AGO2: variants seen among roughly 807,000 people sequenced by gnomAD.
The protein encoded by AGO2 is protein argonaute-2.
In AGO2, 5 loss-of-function variants were observed where a neutral mutation model predicts 102.3. The observed-to-expected ratio is 0.05, with a 90% CI of 0.03 to 0.10. The LOEUF (loss-of-function observed/expected upper bound fraction) is 0.10. Among genes scored for constraint, AGO2 ranks in the 10% least tolerant of loss-of-function variants. AGO2 has a pLI of 1.00. For missense variants in AGO2, 541 were observed against 1,183.7 expected (o/e 0.46, Z 7.97); for synonymous variants, 449 against 473.1 (o/e 0.95, Z 0.66).
chr8:140,564,816 C>T (rs1389527528), intron 3 of AGO2, among the ~76,000 whole-genome samples: 1 of 152,072 alleles, frequency 6.6e-6, no homozygotes, highest in Non-Finnish European at 1.5e-5. Context: ...ATATCATACA[C>T]TGTGGAATAA....
chr8:140,556,841 G>T (rs1426971355), intron 8 of AGO2, among the ~76,000 whole-genome samples: 1 of 152,164 alleles, frequency 6.6e-6, no homozygotes, highest in East Asian at 1.9e-4. Context: ...TGCGGGGCCT[G>T]CTGGACACGT....
At chr8:140,576,709 ACC>A (rs2073470268) in intron 2 of AGO2, among the ~76,000 whole-genome samples, 1 of 152,210 alleles carries the variant, frequency 6.6e-6, no homozygotes, top group African/African-American at 2.4e-5. Flanking sequence ...TCTATTTACC[ACC>A]CTGTCTAGCA....
intron 16 of AGO2, among the ~76,000 whole-genome samples, chr8:140,538,775 T>C (rs926061866): frequency 6.6e-6 from 1 of 152,218 alleles, no homozygotes; most frequent in Non-Finnish European, 1.5e-5. Context: ...ATCTTGTGCC[T>C]AGACCTAGCC....
chr8:140,522,110 C>G lies in AGO2; in HGVS notation c.*9934G>C, dbSNP rs994001182. 2.0e-5 allele frequency: 3 copies of G among 151,942 alleles called. No individual in the cohort carries two copies. Among genetic ancestry groups the G allele is most frequent in the Non-Finnish European group, 4.4e-5 (3 of 68,006 alleles). 9.4% of individuals were successfully genotyped at this position (151,942 alleles called of 1,614,324 possible). The stretch of plus-strand genomic sequence containing the variant: ...ATGACCAATTGGACTTTTCTCCCAC[C>G]TGTAATATAAATAAAATATGTACTG... On this transcript the variant is annotated 3_prime_UTR_variant, in exon 19 of 19. Coordinates refer to ENST00000220592, the MANE Select transcript of AGO2 (RefSeq NM_012154.5).
At chr8:140,568,103 C>T (rs1430258440) in intron 3 of AGO2, among the ~76,000 whole-genome samples, 1 of 110,652 alleles carries the variant, frequency 9.0e-6, no homozygotes, top group Admixed American at 9.5e-5. Context: ...ACTAAAAATA[C>T]AAAAAAAAAA....
intron 1 of AGO2, among the ~76,000 whole-genome samples, chr8:140,620,257 T>C (rs1030842977): frequency 2.0e-5 from 3 of 152,170 alleles, no homozygotes; most frequent in Non-Finnish European, 1.5e-5. Context: ...AATGGACAGA[T>C]GTGCCTAAGA....
intron 2 of AGO2, among the ~76,000 whole-genome samples, chr8:140,581,376 T>C (rs2073554155): frequency 6.6e-6 from 1 of 152,202 alleles, no homozygotes; most frequent in South Asian, 2.1e-4. Flanking sequence ...TAGCCGGGTG[T>C]GGTGGCGCAT....
At chr8:140,541,513 G>C in intron 14 of AGO2, 155 bp from the exon 15 acceptor site, 2 of 670,836 alleles carry the variant, frequency 3.0e-6, no homozygotes, top group Non-Finnish European at 4.8e-6. Flanking sequence ...TGTGAACTCA[G>C]CCTTTAGGCT....
chr8:140,623,648 A>G (rs1218881291), intron 1 of AGO2, among the ~76,000 whole-genome samples: 1 of 151,924 alleles, frequency 6.6e-6, no homozygotes, highest in Non-Finnish European at 1.5e-5. Flanking sequence ...TCCCGTGCAC[A>G]CCTGTTACCT....
intron 4 of AGO2, among the ~76,000 whole-genome samples, chr8:140,560,919 C>T (rs953639005): frequency 5.9e-5 from 9 of 152,236 alleles, no homozygotes; most frequent in African/African-American, 1.2e-4. Flanking sequence ...AGTGCCAGCC[C>T]CAGCCAGGCC....
chr8:140,591,848 A>C (rs1033101333), intron 1 of AGO2: 3 of 151,742 alleles, frequency 2.0e-5, no homozygotes, highest in African/African-American at 7.3e-5. Context: ...GGCCAGGCAC[A>C]GTGGCTCAAG....
chr8:140,580,274 G>T (rs903338801), intron 2 of AGO2, among the ~76,000 whole-genome samples: 2 of 152,256 alleles, frequency 1.3e-5, no homozygotes, highest in Non-Finnish European at 2.9e-5. Context: ...CACTGAGGCT[G>T]CTTCACTGTG....
At chr8:140,623,358 G>A (rs1459100899) in intron 1 of AGO2, among the ~76,000 whole-genome samples, 1 of 152,100 alleles carries the variant, frequency 6.6e-6, no homozygotes. Flanking sequence ...AGTAGACAGC[G>A]ATGATGGCTG....
intron 10 of AGO2, among the ~76,000 whole-genome samples, chr8:140,553,209 G>A (rs1321177784): frequency 6.6e-6 from 1 of 152,006 alleles, no homozygotes; most frequent in Non-Finnish European, 1.5e-5. Flanking sequence ...AACATAGTGA[G>A]ACCTCGTCTC....
At chr8:140,558,764 G>C (rs1051743574) in intron 6 of AGO2, among the ~76,000 whole-genome samples, 192 bp from the exon 7 acceptor site, 1 of 152,226 alleles carries the variant, frequency 6.6e-6, no homozygotes, top group African/African-American at 2.4e-5. Context: ...ACCTACAAGA[G>C]TACCACGTGG....
intron 3 of AGO2, among the ~76,000 whole-genome samples, chr8:140,568,103 C>CAAAAAAAAA (rs553804959): frequency 3.1e-3 from 342 of 110,182 alleles, no homozygotes; most frequent in Middle Eastern, 5.4e-3. Context: ...ACTAAAAATA[C>CAAAAAAAAA]AAAAAAAAAA....
At chr8:140,594,633 AT>A (rs1232536804) in intron 1 of AGO2, among the ~76,000 whole-genome samples, 2 of 152,180 alleles carry the variant, frequency 1.3e-5, no homozygotes, top group African/African-American at 4.8e-5. Flanking sequence ...ACAAAAAAAA[AT>A]AAAAAATAAA....
At position 140,577,421 on chromosome 8, in the gene AGO2, C is replaced by T. The variant is rs554081675; in HGVS notation, c.216-4489G>A. Among the ~76,000 whole-genome samples, 3 of 152,232 alleles carry T rather than the reference C, an allele frequency of 2.0e-5. No individual in the cohort carries two copies. The East Asian group carries it at 5.8e-4, about 29-fold the overall frequency. On this transcript the variant is annotated intron_variant, in intron 2 of 18. Coordinates refer to ENST00000220592, the MANE Select transcript of AGO2 (RefSeq NM_012154.5). ...GGTGCTTTGGGGTTGTTAGCATGTC[C>T]TATTGATTGTGGTGGTTCTTACAGG...
intron 3 of AGO2, among the ~76,000 whole-genome samples, chr8:140,569,764 C>T (rs948167535): frequency 2.6e-5 from 4 of 152,172 alleles, no homozygotes; most frequent in African/African-American, 4.8e-5. Flanking sequence ...CAGCGTCTCC[C>T]GGGCCTGGGA....
Sources: allele counts gnomAD v4.1 joint callset (sites outside exome capture counted in the v4.1 genomes callset), GRCh38; gene constraint gnomAD v4.1.1; transcripts MANE v1.5; gene names NCBI Gene and HGNC (gene_info 2026-07-23, HGNC 2026-07-21).